Variants in LARGE1 observed in about 807,000 individuals in gnomAD.
The protein encoded by LARGE1 is LARGE xylosyl- and glucuronyltransferase 1, also known as xylosyl- and glucuronyltransferase LARGE1.
In LARGE1, 43 loss-of-function variants were observed where a neutral mutation model predicts 87.6. That is an observed-to-expected ratio of 0.49 (90% CI 0.38 to 0.63). The LOEUF (loss-of-function observed/expected upper bound fraction) is 0.63. LARGE1 is among the 30% of genes least tolerant of loss of function. The pLI is 0.00. For missense variants in LARGE1, 802 were observed against 1,000.2 expected (o/e 0.80, Z 2.67); for synonymous variants, 434 against 394.6 (o/e 1.10, Z -1.18).
chr22:33,649,021 A>G (rs934295160), intron 3 of LARGE1, among the ~76,000 whole-genome samples: 3 of 152,226 alleles, frequency 2.0e-5, no homozygotes, highest in African/African-American at 7.2e-5. Flanking sequence ...TGGCTGAAGG[A>G]CCAACTTGTG....
chr22:33,467,623 A>G (rs776785367), intron 6 of LARGE1, among the ~76,000 whole-genome samples: 1 of 152,226 alleles, frequency 6.6e-6, no homozygotes, highest in Non-Finnish European at 1.5e-5. Context: ...TCTGAACAGC[A>G]TCACTTTCAA....
intron 1 of LARGE1, among the ~76,000 whole-genome samples, chr22:33,848,424 TTCTC>T (rs2063493231): frequency 6.6e-6 from 1 of 151,958 alleles, no homozygotes; most frequent in South Asian, 2.1e-4. Context: ...AGCCCTCTAT[TTCTC>T]TCTCCACCCC....
intron 6 of LARGE1, among the ~76,000 whole-genome samples, chr22:33,434,840 C>T (rs1212038782): frequency 1.3e-5 from 2 of 152,156 alleles, no homozygotes; most frequent in East Asian, 1.9e-4. Context: ...ATTGCCCTTG[C>T]CCCCCCTGCC....
intron 1 of LARGE1, among the ~76,000 whole-genome samples, chr22:33,904,272 C>T (rs2065369732): frequency 6.6e-6 from 1 of 152,182 alleles, no homozygotes; most frequent in Non-Finnish European, 1.5e-5. Flanking sequence ...TCTCCTGCCT[C>T]AGCCTCCTGA....
chr22:33,555,704 G>C (rs2077654773), intron 6 of LARGE1, among the ~76,000 whole-genome samples: 1 of 152,086 alleles, frequency 6.6e-6, no homozygotes, highest in African/African-American at 2.4e-5. Context: ...CGAGACAGGA[G>C]GATCCACTGA....
At chr22:33,648,361 C>T (rs960889306) in intron 3 of LARGE1, among the ~76,000 whole-genome samples, 7 of 152,136 alleles carry the variant, frequency 4.6e-5, no homozygotes, top group African/African-American at 1.7e-4. Flanking sequence ...TTCTTTTCCC[C>T]TTTTCCTTTT....
rs1233247516 is a variant in LARGE1, at chr22:33,316,071, G to A, written c.1451+14C>T. 1 of 1,613,040 alleles carries A rather than the reference G, an allele frequency of 6.2e-7. No individual in the cohort carries two copies. Among genetic ancestry groups the A allele is most frequent in the South Asian group, 1.1e-5 (1 of 90,892 alleles). On this transcript the variant is annotated intron_variant, in intron 11 of 14. Coordinates refer to ENST00000397394, the MANE Select transcript of LARGE1 (RefSeq NM_133642.5). ...CGGTGAGGAGACTGGGGTGGGTGAG[G>A]CCGTCTGCCATACCTGTCCATGGAC...
intron 9 of LARGE1, among the ~76,000 whole-genome samples, chr22:33,352,938 G>A (rs1940529178): frequency 6.6e-6 from 1 of 152,108 alleles, no homozygotes; most frequent in Admixed American, 6.6e-5. Flanking sequence ...ATACCAATAA[G>A]ACAAGCTGAT....
intron 11 of LARGE1, among the ~76,000 whole-genome samples, chr22:33,229,160 G>T (rs535931424): frequency 6.6e-6 from 1 of 152,326 alleles, no homozygotes; most frequent in South Asian, 2.1e-4. Flanking sequence ...TGAAATTAGT[G>T]TGACCACAAG....
chr22:33,362,490 C>A (rs535093965), intron 9 of LARGE1, among the ~76,000 whole-genome samples: 2 of 149,670 alleles, frequency 1.3e-5, no homozygotes, highest in Admixed American at 1.3e-4. Context: ...TCTTAACCAA[C>A]CTCTACTTAG....
At chr22:33,577,115 A>G (rs1342806511) in intron 5 of LARGE1, among the ~76,000 whole-genome samples, 1 of 152,210 alleles carries the variant, frequency 6.6e-6, no homozygotes, top group Non-Finnish European at 1.5e-5. Context: ...TGTTTCTGTT[A>G]CCATAAATTT....
chr22:33,526,120 CAT>C (rs2071881118), intron 6 of LARGE1, among the ~76,000 whole-genome samples: 1 of 152,126 alleles, frequency 6.6e-6, no homozygotes, highest in African/African-American at 2.4e-5. Flanking sequence ...GTGCTACAGA[CAT>C]ATGCTACAAT....
At chr22:33,909,532 T>TTTTG (rs2065563679) in intron 1 of LARGE1, among the ~76,000 whole-genome samples, 1 of 151,344 alleles carries the variant, frequency 6.6e-6, no homozygotes, top group African/African-American at 2.4e-5. Context: ...GTTTTTTTTT[T>TTTTG]TTTGTTTTTG....
At chr22:33,396,463 C>CAG (rs3071529) in intron 7 of LARGE1, among the ~76,000 whole-genome samples, 5,086 of 104,648 alleles carry the variant, frequency 0.049, 173 homozygotes, top group Middle Eastern at 0.078. Context: ...GAGAGAGTGA[C>CAG]AGAGAGAGAG....
At chr22:33,887,460 G>C (rs1365221006) in intron 1 of LARGE1, among the ~76,000 whole-genome samples, 1 of 152,174 alleles carries the variant, frequency 6.6e-6, no homozygotes, top group East Asian at 1.9e-4. Context: ...CACCTGGCCA[G>C]GCGCAGTGGC....
chr22:33,578,936 T>C (rs2078431109), intron 5 of LARGE1, among the ~76,000 whole-genome samples: 1 of 152,134 alleles, frequency 6.6e-6, no homozygotes, highest in South Asian at 2.1e-4. Context: ...TCAGAACAAA[T>C]GTTTCTCCAA....
chr22:33,112,182 G>A, the LARGE1 span, among the ~76,000 whole-genome samples: 2 of 152,228 alleles, frequency 1.3e-5, no homozygotes, highest in African/African-American at 4.8e-5. Flanking sequence ...TTAGGAGGCT[G>A]ATGAACTAGT....
chr22:33,541,747 T>TAAA (rs35401796), intron 6 of LARGE1, among the ~76,000 whole-genome samples: 8 of 137,636 alleles, frequency 5.8e-5, no homozygotes, highest in Non-Finnish European at 7.8e-5. Context: ...TTCCAAAAAT[T>TAAA]AAAAAAAAAA....
At chr22:33,067,641 A>T in the LARGE1 span, among the ~76,000 whole-genome samples, 1 of 152,172 alleles carries the variant, frequency 6.6e-6, no homozygotes, top group African/African-American at 2.4e-5. Context: ...TTGAACCCAG[A>T]TCCACATCCA....
Sources: allele counts gnomAD v4.1 joint callset (sites outside exome capture counted in the v4.1 genomes callset), GRCh38; gene constraint gnomAD v4.1.1; transcripts MANE v1.5; gene names NCBI Gene and HGNC (gene_info 2026-07-23, HGNC 2026-07-21).